The following POLN variants were observed in gnomAD, a reference collection of about 807,000 sequenced individuals.
The protein encoded by POLN is DNA polymerase nu.
POLN carries 108 observed loss-of-function variants against 113.5 expected under a neutral mutation model. The ratio of observed to expected loss-of-function variants is 0.95; its 90% CI spans 0.81 to 1.12. POLN has a LOEUF of 1.12. Among genes scored for constraint, POLN ranks in the 50% most tolerant of loss-of-function variants. The pLI is 0.00. For missense variants in POLN, 1,097 were observed against 1,077.1 expected (o/e 1.02, Z -0.26); for synonymous variants, 386 against 391.5 (o/e 0.99, Z 0.17).
chr4:2,198,671 T>A lies in POLN; in HGVS notation c.761A>T (p.Gln254Leu). 6.2e-7 allele frequency: 1 copy of A among 1,613,310 alleles called. No individual in the cohort carries two copies. The highest frequency in any genetic ancestry group is 8.5e-7 in the Non-Finnish European group (1 of 1,179,700). The change falls in exon 6 of 26, where the codon CAA becomes CTA. Residue 254 changes from glutamine (Q) to leucine (L), a missense_variant. Physicochemically the swap from Gln to Leu is moderately radical, Grantham distance 113 (BLOSUM62 -2). Transcript: ENST00000511885. The stretch of plus-strand genomic sequence containing the variant: ...TGGACAGCCATGGCCACCCTCTGCT[T>A]GGCGTTTTACTAACACCACAATTCC... Reference protein sequence around the residue: ...VRGIVVLVKRQAEGGHGCPDA... With the variant: ...VRGIVVLVKRLAEGGHGCPDA...
chr4:2,237,143 A>G lies in POLN; in HGVS notation c.-13+4377T>C, dbSNP rs554140218. Among the ~76,000 whole-genome samples, 4 of 152,260 alleles carry G rather than the reference A, an allele frequency of 2.6e-5. No homozygotes were observed. The South Asian group carries it at 8.3e-4, about 32-fold the overall frequency. On this transcript the variant is annotated intron_variant, in intron 2 of 25. Transcript: ENST00000511885. ...AAAGAAAACACATGTCTCATAGAAT[A>G]TAACTATGATGTAGTAGAAACAACA...
At chr4:2,080,666 C>T (rs950093547) in intron 23 of POLN, 1 of 1,318,782 alleles carries the variant, frequency 7.6e-7, no homozygotes, top group Non-Finnish European at 9.7e-7. Flanking sequence ...GGGTGGGCAG[C>T]CTCAAGGGGT....
At chr4:2,157,310 G>A (rs1349251876) in intron 15 of POLN, among the ~76,000 whole-genome samples, 2 of 152,192 alleles carry the variant, frequency 1.3e-5, no homozygotes, top group African/African-American at 2.4e-5. Context: ...AGATGCAATC[G>A]TGGATGTGAA....
intron 2 of POLN, chr4:2,234,176 T>A (rs1025719684): frequency 6.6e-6 from 1 of 151,964 alleles, no homozygotes; most frequent in Non-Finnish European, 1.5e-5. Flanking sequence ...ATTTAGAGAG[T>A]AAAAATGTTT....
At chr4:2,215,790 T>C (rs1260772645) in intron 3 of POLN, among the ~76,000 whole-genome samples, 1 of 152,124 alleles carries the variant, frequency 6.6e-6, no homozygotes, top group East Asian at 1.9e-4. Context: ...CCTTGGGAAA[T>C]TTATAAAAGG....
intron 19 of POLN, among the ~76,000 whole-genome samples, chr4:2,103,152 C>A (rs1730968993): frequency 6.6e-6 from 1 of 152,016 alleles, no homozygotes; most frequent in South Asian, 2.1e-4. Context: ...CAAGAGAAAT[C>A]TGGAAAATCA....
Position 2,078,577 on chromosome 4 carries a change from G to A in POLN, c.2387+2381C>T, listed in dbSNP as rs373722433. On this transcript the variant is annotated intron_variant, in intron 23 of 25. Coordinates refer to ENST00000511885, the MANE Select transcript of POLN (RefSeq NM_181808.4). The stretch of plus-strand genomic sequence containing the variant: ...GGGCACCGTGTGCCTCCCAGTGATC[G>A]AGTTTCATGCCTGCTGCTTCAGCGA... The A allele has an allele frequency of 3.9e-5, 38 of 984,824 alleles. No homozygotes were observed. The East Asian group carries it at 4.6e-4, about 12-fold the overall frequency. The allele number at this position is 984,824 out of a possible 1,614,324, so 61.0% of individuals were successfully genotyped here. A position where few individuals can be genotyped will look rare whatever the true frequency, so the allele number is the denominator to read the frequency against.
At chr4:2,098,853 T>C (rs1302079399) in intron 19 of POLN, among the ~76,000 whole-genome samples, 2 of 152,128 alleles carry the variant, frequency 1.3e-5, no homozygotes, top group African/African-American at 4.8e-5. Flanking sequence ...AAGATGAACC[T>C]GGAATATCTT....
intron 6 of POLN, among the ~76,000 whole-genome samples, chr4:2,195,740 G>C (rs1463124696): frequency 1.3e-5 from 2 of 152,110 alleles, no homozygotes; most frequent in African/African-American, 4.8e-5. Flanking sequence ...ACCTCAGCCT[G>C]AGCCACTGTT....
chr4:2,123,112 G>A (rs1009093273), intron 19 of POLN, among the ~76,000 whole-genome samples: 7 of 152,128 alleles, frequency 4.6e-5, no homozygotes, highest in African/African-American at 1.4e-4. Flanking sequence ...AGTGAGCTGT[G>A]AGTGGGAGTG....
chr4:2,125,608 A>G (rs937488997), intron 19 of POLN, among the ~76,000 whole-genome samples: 9 of 152,100 alleles, frequency 5.9e-5, no homozygotes, highest in African/African-American at 1.7e-4. Flanking sequence ...CAAGTAAATA[A>G]TGGGGATCAC....
chr4:2,153,116 G>A (rs1323726397), intron 16 of POLN, among the ~76,000 whole-genome samples: 2 of 152,214 alleles, frequency 1.3e-5, no homozygotes, highest in African/African-American at 2.4e-5. Context: ...GAGTGGGACA[G>A]GCCTCTGTCA....
intron 19 of POLN, among the ~76,000 whole-genome samples, 178 bp from the exon 20 acceptor site, chr4:2,096,111 C>G (rs1294511042): frequency 2.0e-5 from 3 of 152,196 alleles, no homozygotes; most frequent in Non-Finnish European, 2.9e-5. Context: ...CAGCAAGGGC[C>G]CCAGGCAGAT....
Position 2,078,659 on chromosome 4 carries a change from T to C in POLN, c.2387+2299A>G, listed in dbSNP as rs969681485. On this transcript the variant is annotated intron_variant, in intron 23 of 25. Transcript: ENST00000511885. ...TCCCTTCCAGACGCCATCCACAGCC[T>C]TTCACATTACTCCTGGAAGAACAAA... 12 of 985,314 alleles carry C rather than the reference T, an allele frequency of 1.2e-5. No homozygotes were observed. The African/African-American group carries it at 2.1e-4, about 17-fold the overall frequency. The allele number at this position is 985,314 out of a possible 1,614,324, so 61.0% of individuals were successfully genotyped here. A position where few individuals can be genotyped will look rare whatever the true frequency, so the allele number is the denominator to read the frequency against.
intron 13 of POLN, among the ~76,000 whole-genome samples, chr4:2,166,276 G>A (rs1732726207): frequency 6.6e-6 from 1 of 152,162 alleles, no homozygotes; most frequent in East Asian, 1.9e-4. Flanking sequence ...TGAGCAGCCT[G>A]AGCCTTTTCC....
chr4:2,073,517 T>C (rs1481897666), intron 24 of POLN, among the ~76,000 whole-genome samples: 1 of 152,190 alleles, frequency 6.6e-6, no homozygotes, highest in Non-Finnish European at 1.5e-5. Context: ...CGGTGAAGTT[T>C]GAGGCAACAG....
rs1238000727 is a variant in POLN, at chr4:2,189,642, C to CA, written c.1021+3561dup. On this transcript the variant is annotated intron_variant, in intron 7 of 25. Coordinates refer to ENST00000511885, the MANE Select transcript of POLN (RefSeq NM_181808.4). ...CGACAGAGAGAGACTCCATCTCAAA[C>CA]AAAAAAAAAAGAAAAAAAATCAATG... Among the ~76,000 whole-genome samples the CA allele has an allele frequency of 7.7e-4, 103 of 134,546 alleles. 2 individuals are homozygous for CA. Among genetic ancestry groups the CA allele is most frequent in the South Asian group, 1.6e-3 (7 of 4,272 alleles). The allele number at this position is 134,546 out of a possible 152,430, so 88.3% of individuals were successfully genotyped here.
chr4:2,122,564 G>C (rs906706669), intron 19 of POLN, among the ~76,000 whole-genome samples: 25 of 152,228 alleles, frequency 1.6e-4, no homozygotes, highest in African/African-American at 6.0e-4. Flanking sequence ...AGGATGGCTA[G>C]AATCAAAAAG....
intron 7 of POLN, among the ~76,000 whole-genome samples, chr4:2,189,773 G>A (rs1429686482): frequency 3.3e-5 from 5 of 151,766 alleles, no homozygotes; most frequent in Admixed American, 1.3e-4. Context: ...GCTCACGCCT[G>A]TAATCCCAGC....
Sources: gnomAD v4.1 joint callset for allele counts (sites outside exome capture counted in the v4.1 genomes callset) on GRCh38, gnomAD v4.1.1 for gene constraint, MANE v1.5 for transcripts, NCBI Gene and HGNC (gene_info 2026-07-23, HGNC 2026-07-21) for gene names.